The following LAMC3 variants were observed in gnomAD, a reference collection of about 807,000 sequenced individuals.
The protein encoded by LAMC3 is laminin subunit gamma 3, also known as laminin subunit gamma-3.
A neutral mutation model predicts 173.8 loss-of-function variants in LAMC3; 128 were observed. The ratio of observed to expected loss-of-function variants is 0.74; its 90% CI spans 0.64 to 0.85. LAMC3 has a LOEUF of 0.85. LAMC3 is among the 40% of genes least tolerant of loss of function. The pLI, the probability that LAMC3 is intolerant of heterozygous loss-of-function variation, is 0.00. For synonymous variants in LAMC3, 897 were observed against 909.1 expected (o/e 0.99, Z 0.24); for missense variants, 2,022 against 2,156.0 (o/e 0.94, Z 1.23).
chr9:131,026,420 C>G lies in LAMC3; in HGVS notation c.509C>G (p.Thr170Ser). 1 of 1,614,002 alleles carries G rather than the reference C, an allele frequency of 6.2e-7. No individual in the cohort carries two copies. The highest frequency in any genetic ancestry group is 8.5e-7 in the Non-Finnish European group (1 of 1,180,014). The change falls in exon 2 of 28, where the codon ACC becomes AGC. Residue 170 changes from threonine to serine, a missense_variant. Coordinates refer to ENST00000361069, the MANE Select transcript of LAMC3 (RefSeq NM_006059.4). The surrounding 1 kb of genome is among the most constrained non-coding windows in gnomAD (Gnocchi z 4.8). ...YQFYSASCQK[T>S]YGRPEGQYLR... ...TTCTACAGCGCCTCCTGCCAGAAGA[C>G]CTACGGCCGGCCCGAGGGCCAGTAC...
chr9:131,071,706 T>TG, intron 18 of LAMC3, 81 bp downstream of exon 18: 1 of 1,433,960 alleles, frequency 7.0e-7, no homozygotes, highest in Non-Finnish European at 9.2e-7. Flanking sequence ...TTGGATGCTT[T>TG]GGGGGCCCTC....
intron 15 of LAMC3, among the ~76,000 whole-genome samples, chr9:131,068,546 T>G (rs1320183411): frequency 6.6e-6 from 1 of 152,148 alleles, no homozygotes; most frequent in Non-Finnish European, 1.5e-5. Flanking sequence ...CTTAGACAAG[T>G]GTTCTTAGGG....
Position 131,082,105 on chromosome 9 carries a change from T to C in LAMC3, c.3974T>C (p.Val1325Ala). 1 of 1,613,930 alleles carries C rather than the reference T, an allele frequency of 6.2e-7. No individual in the cohort carries two copies. The highest frequency in any genetic ancestry group is 8.5e-7 in the Non-Finnish European group (1 of 1,179,968). The change falls in exon 24 of 28, where the codon GTC becomes GCC. Residue 1325 changes from valine to alanine, a missense_variant. Physicochemically the swap from Val to Ala is moderately conservative, Grantham distance 64. Coordinates refer to ENST00000361069, the MANE Select transcript of LAMC3 (RefSeq NM_006059.4). The part of the protein sequence containing the change: ...RAALTQASSS[V>A]QAATVTVMGA... ...GCCCTGACCCAGGCTTCCTCATCTG[T>C]CCAGGCTGCGACAGTGACTGTCATG...
chr9:131,036,416 G>A, intron 4 of LAMC3, 84 bp downstream of exon 4: 1 of 1,520,334 alleles, frequency 6.6e-7, no homozygotes, highest in Non-Finnish European at 9.0e-7. Context: ...ACGTCGTGGT[G>A]GGGGCTGCTC....
chr9:131,087,516 G>A lies in LAMC3; in HGVS notation c.4271G>A (p.Arg1424His), dbSNP rs34724991. 2.1e-4 allele frequency: 341 copies of A among 1,613,804 alleles called. 1 individual carries two copies. The African/African-American group carries it at 4.1e-3, about 19-fold the overall frequency. The change falls in exon 26 of 28, where the codon CGC becomes CAC. Residue 1424 changes from arginine to histidine, a missense_variant. Transcript: ENST00000361069. The stretch of plus-strand genomic sequence containing the variant: ...CTGAGGGAGCGGAAACAGGCGCACC[G>A]CCGTGCCAGCAGGCTCACCAGCCAG... ...ALLRERKQAH[R>H]RASRLTSQTQ...
intron 15 of LAMC3, 103 bp from the exon 16 acceptor site, chr9:131,068,805 G>A (rs1829988929): frequency 3.9e-6 from 5 of 1,289,434 alleles, no homozygotes; most frequent in African/African-American, 1.5e-5. Context: ...GGTCTTGTCA[G>A]CAGAGGGCTG....
In LAMC3 at chr9:131,057,030, G is replaced by A. The variant is rs1254819128; in HGVS notation, c.2041G>A (p.Gly681Ser). The A allele has an allele frequency of 4.3e-6, 7 of 1,614,066 alleles. No homozygotes were observed. Among genetic ancestry groups the A allele is most frequent in the Non-Finnish European group, 5.9e-6 (7 of 1,179,992 alleles). Reference sequence around the variant, plus strand: ...TTGTTCATGTCCCACTGGCTACACGGGCCAGTTCTGTGAATCCTGTGCTCC... The same window carrying A: ...TTGTTCATGTCCCACTGGCTACACGAGCCAGTTCTGTGAATCCTGTGCTCC... ...EICSCPTGYTGQFCESCAPGY... is the reference protein window; with the variant it reads ...EICSCPTGYTSQFCESCAPGY... Residue 681 changes from glycine to serine, a missense_variant, in exon 12 of 28, where the codon GGC becomes AGC. By Grantham distance (56) the Gly-to-Ser change is moderately conservative. Coordinates refer to ENST00000361069, the MANE Select transcript of LAMC3 (RefSeq NM_006059.4).
chr9:131,022,394 C>T (rs8181067), intron 1 of LAMC3, among the ~76,000 whole-genome samples: 48,433 of 151,596 alleles, frequency 0.32, 10,643 homozygotes, highest in African/African-American at 0.63. Flanking sequence ...CGAAAACTGA[C>T]AGCTATCATA....
chr9:131,082,590 G>A (rs1830261060), intron 24 of LAMC3, among the ~76,000 whole-genome samples: 1 of 152,176 alleles, frequency 6.6e-6, no homozygotes, highest in Non-Finnish European at 1.5e-5. Context: ...CCAGTCTAGT[G>A]CCCCCATTTT....
In LAMC3 at chr9:131,091,964, C is replaced by T; in HGVS notation, c.*177C>T. The T allele has an allele frequency of 9.2e-6, 7 of 759,562 alleles. No homozygotes were observed. The highest frequency in any genetic ancestry group is 1.5e-5 in the Non-Finnish European group (7 of 467,672). 47.1% of individuals were successfully genotyped at this position (759,562 alleles called of 1,614,324 possible). ...CTGTCTGTGGCTTCTTCCCTGCCAG[C>T]AGGACTGAGTGTGCGTACCCAGTTC... On this transcript the variant is annotated 3_prime_UTR_variant, in exon 28 of 28. Coordinates refer to ENST00000361069, the MANE Select transcript of LAMC3 (RefSeq NM_006059.4).
chr9:131,065,924 T>A (rs1469212407), intron 13 of LAMC3, among the ~76,000 whole-genome samples: 1 of 152,052 alleles, frequency 6.6e-6, no homozygotes, highest in African/African-American at 2.4e-5. Context: ...AGGATGATGA[T>A]GAAGGTCAGG....
rs751791164 is a variant in LAMC3 at position 131,038,996 on chromosome 9, A to G, written c.1109A>G (p.Asn370Ser). 1 of 1,613,718 alleles carries G rather than the reference A, an allele frequency of 6.2e-7. No individual in the cohort carries two copies. The highest frequency in any genetic ancestry group is 8.5e-7 in the Non-Finnish European group (1 of 1,180,018). The change falls in exon 5 of 28, where the codon AAT becomes AGT. Residue 370 changes from asparagine (N) to serine (S), a missense_variant. Coordinates refer to ENST00000361069, the MANE Select transcript of LAMC3 (RefSeq NM_006059.4). ...AGPHCERCQE[N>S]FYHWDPRMPC... ...CCACACTGTGAGCGCTGTCAGGAGA[A>G]TTTCTATCACTGGGACCCGCGGATG... is the stretch of plus-strand genomic sequence containing the variant.
At chr9:131,013,739 T>C (rs934216264) in intron 1 of LAMC3, among the ~76,000 whole-genome samples, 1 of 152,070 alleles carries the variant, frequency 6.6e-6, no homozygotes, top group Non-Finnish European at 1.5e-5. Context: ...TTCTTCGACC[T>C]GCCGGGCCTG....
rs139578296 is a variant in LAMC3 at position 131,082,080 on chromosome 9, G to T, written c.3949G>T (p.Ala1317Ser). 2 of 1,613,758 alleles carry T rather than the reference G, an allele frequency of 1.2e-6. No individual in the cohort carries two copies. The highest frequency in any genetic ancestry group is 3.3e-5 in the Admixed American group (2 of 60,014). ...LTKLHQEARA[A>S]LTQASSSVQA... is the part of the protein sequence containing the mutation. ...CCAGCTGCACCAGGAGGCCAGAGCC[G>T]CCCTGACCCAGGCTTCCTCATCTGT... is the stretch of plus-strand genomic sequence containing the variant. Residue 1317 changes from alanine (A) to serine (S), a missense_variant, in exon 24 of 28, where the codon GCC becomes TCC. Transcript: ENST00000361069.
intron 1 of LAMC3, among the ~76,000 whole-genome samples, chr9:131,010,073 G>A (rs918748353): frequency 3.4e-5 from 5 of 146,714 alleles, no homozygotes; most frequent in African/African-American, 7.6e-5. Context: ...AGAATCGCTT[G>A]AACCCGGGAG....
At chr9:131,081,162 A>C (rs565100843) in intron 23 of LAMC3, among the ~76,000 whole-genome samples, 3 of 152,258 alleles carry the variant, frequency 2.0e-5, no homozygotes, top group South Asian at 4.2e-4. Flanking sequence ...ATATGTGCCG[A>C]TGGTGTCAGG....
At position 131,060,954 on chromosome 9, in the gene LAMC3, G is replaced by T. The variant is rs1588157034; in HGVS notation, c.2159-81G>T. 3.5e-6 allele frequency: 5 copies of T among 1,439,018 alleles called. No individual in the cohort carries two copies. In the East Asian group the frequency reaches 9.1e-5, roughly 26 times the overall value. The allele number at this position is 1,439,018 out of a possible 1,614,324, so 89.1% of individuals were successfully genotyped here. A position where few individuals can be genotyped will look rare whatever the true frequency, so the allele number is the denominator to read the frequency against. On this transcript the variant is annotated intron_variant, in intron 12 of 27. Transcript: ENST00000361069. The stretch of plus-strand genomic sequence containing the variant: ...CCCACCCCACTTCTGCCCGGGATGT[G>T]CTCCCTAACCTCTCCCACCGGGATG...
intron 1 of LAMC3, among the ~76,000 whole-genome samples, chr9:131,018,237 C>T (rs13287183): frequency 6.6e-6 from 1 of 150,712 alleles, no homozygotes; most frequent in Non-Finnish European, 1.5e-5. Context: ...TACGTTCGAG[C>T]GATTCTCATG....
intron 6 of LAMC3, among the ~76,000 whole-genome samples, chr9:131,039,673 A>AGAG (rs1199481712): frequency 1.3e-4 from 19 of 151,850 alleles, no homozygotes; most frequent in South Asian, 4.2e-4. Flanking sequence ...TTGACTGTGG[A>AGAG]GAGGGAGAGC....
Sources: allele counts gnomAD v4.1 joint callset (sites outside exome capture counted in the v4.1 genomes callset), GRCh38; gene constraint gnomAD v4.1.1; non-coding constraint Gnocchi (gnomAD v3.1); transcripts MANE v1.5; gene names NCBI Gene and HGNC (gene_info 2026-07-23, HGNC 2026-07-21).